SPTBN1: variants seen among roughly 807,000 people sequenced by gnomAD.
SPTBN1 encodes spectrin beta, non-erythrocytic 1.
SPTBN1 carries 32 observed loss-of-function variants against 266.4 expected under a neutral mutation model. The ratio of observed to expected loss-of-function variants is 0.12; its 90% confidence interval spans 0.09 to 0.16. The LOEUF (loss-of-function observed/expected upper bound fraction) is 0.16, where lower values mean the gene tolerates loss of function less well. SPTBN1 is among the 10% of genes least tolerant of loss of function. The pLI is 1.00. For synonymous variants in SPTBN1, 1,336 were observed against 1,162.2 expected (o/e 1.15, Z -3.04); for missense variants, 2,296 against 3,067.1 (o/e 0.75, Z 5.94).
At chr2:54,587,118 A>G (rs1364913606) in intron 2 of SPTBN1, among the ~76,000 whole-genome samples, 1 of 152,194 alleles carries the variant, frequency 6.6e-6, no homozygotes, top group African/African-American at 2.4e-5. Context: ...TGTATATTGC[A>G]TGAAATAAGA....
chr2:54,612,103 G>A (rs3796015), intron 3 of SPTBN1, 58 bp from the exon 4 acceptor site: 73,174 of 1,485,678 alleles, frequency 0.049, 2,239 homozygotes, highest in Admixed American at 0.12. Flanking sequence ...GCAGTAACTC[G>A]GGGTTCATCT....
rs1673063845 is a variant in SPTBN1, at chr2:54,558,766, T to TTTA, written c.148+32200_148+32201insTTA. 2.5e-6 allele frequency: 4 copies of TTTA among 1,610,282 alleles called. No homozygotes were observed. The African/African-American group carries it at 5.3e-5, about 22-fold the overall frequency. The stretch of plus-strand genomic sequence containing the variant: ...TCCAGGGCGCAGTCCTCCGGGGCGT[T>TTTA]ACGCCGGGCATAATGGAATTGCAGA... On this transcript the variant is annotated intron_variant, in intron 2 of 35. Coordinates refer to ENST00000356805, the MANE Select transcript of SPTBN1 (RefSeq NM_003128.3). This position sits in a 1 kb window ranked among gnomAD's most constrained non-coding sequence, Gnocchi z 4.6.
At chr2:54,591,785 T>C (rs1349511857) in intron 2 of SPTBN1, among the ~76,000 whole-genome samples, 1 of 152,234 alleles carries the variant, frequency 6.6e-6, no homozygotes, top group Non-Finnish European at 1.5e-5. Context: ...CATCATGCAG[T>C]GCCCTTCTGC....
chr2:54,535,899 G>T (rs1671568779), intron 2 of SPTBN1, among the ~76,000 whole-genome samples: 1 of 152,206 alleles, frequency 6.6e-6, no homozygotes. Flanking sequence ...TTACATGTGA[G>T]TAACCACCTA....
At chr2:54,522,677 A>AGAGAGAGG (rs1553439421) in intron 1 of SPTBN1, among the ~76,000 whole-genome samples, 1 of 67,306 alleles carries the variant, frequency 1.5e-5, no homozygotes, top group Non-Finnish European at 3.4e-5. Context: ...AGAGAGAGAG[A>AGAGAGAGG]GGAGAGAGAG....
rs767559310 is a variant in SPTBN1 at position 54,617,594 on chromosome 2, T to C, written c.567-14T>C. Reference sequence around the variant, plus strand: ...TAATTGTGTTGCTTTTCCCTTCTGCTTTGTCCTTGGCAGGTACCCCAATGT... The same window carrying C: ...TAATTGTGTTGCTTTTCCCTTCTGCCTTGTCCTTGGCAGGTACCCCAATGT... On this transcript the variant is annotated splice_polypyrimidine_tract_variant and intron_variant, in intron 5 of 35. Coordinates refer to ENST00000356805, the MANE Select transcript of SPTBN1 (RefSeq NM_003128.3). 3.1e-6 allele frequency: 5 copies of C among 1,613,938 alleles called. No homozygotes were observed. The South Asian group carries it at 5.5e-5, about 18-fold the overall frequency.
Position 54,508,600 on chromosome 2 carries a change from G to A in SPTBN1, c.-47-17772G>A, listed in dbSNP as rs182845138. On this transcript the variant is annotated intron_variant, in intron 1 of 35. Coordinates refer to ENST00000356805, the MANE Select transcript of SPTBN1 (RefSeq NM_003128.3). ...ATGAAATGACGAATAGAATGGGCCTGTGAGACTGGAAGGAGATTTTTCTTT... is the reference window on the plus strand; with the variant it reads ...ATGAAATGACGAATAGAATGGGCCTATGAGACTGGAAGGAGATTTTTCTTT... Among the ~76,000 whole-genome samples, 6 of 152,340 alleles carry A rather than the reference G, an allele frequency of 3.9e-5. 1 individual carries two copies. The highest frequency in any genetic ancestry group is 3.9e-4 in the Admixed American group (6 of 15,306).
At chr2:54,522,063 A>C (rs77754305) in intron 1 of SPTBN1, among the ~76,000 whole-genome samples, 2 of 142,862 alleles carry the variant, frequency 1.4e-5, no homozygotes, top group African/African-American at 5.2e-5. Flanking sequence ...ACAGCTGGCT[A>C]TTTTTTTTTT....
intron 14 of SPTBN1, 25 bp downstream of exon 14, chr2:54,629,828 T>C: frequency 6.2e-7 from 1 of 1,611,618 alleles, no homozygotes; most frequent in South Asian, 1.1e-5. Flanking sequence ...GGTCAGCCAC[T>C]GGCCTGTTCC....
intron 1 of SPTBN1, among the ~76,000 whole-genome samples, chr2:54,480,216 A>G (rs1668030176): frequency 6.6e-6 from 1 of 152,230 alleles, no homozygotes; most frequent in African/African-American, 2.4e-5. Flanking sequence ...ACTGGAAAGC[A>G]CCTTTTGAAC....
chr2:54,511,283 C>T (rs928756662), intron 1 of SPTBN1, among the ~76,000 whole-genome samples: 6 of 152,138 alleles, frequency 3.9e-5, no homozygotes, highest in African/African-American at 1.4e-4. Context: ...ATATTGAGTT[C>T]CTTTGAAAAT....
intron 30 of SPTBN1, 124 bp downstream of exon 30, chr2:54,658,170 G>A: frequency 4.8e-6 from 6 of 1,241,632 alleles, no homozygotes; most frequent in Non-Finnish European, 5.6e-6. Context: ...TTCAAGTAGT[G>A]AAGATCATCT....
chr2:54,540,774 A>G lies in SPTBN1; in HGVS notation c.148+14208A>G, dbSNP rs1407816871. The G allele has an allele frequency of 6.6e-6, 1 of 152,248 alleles. No individual in the cohort carries two copies. Among genetic ancestry groups the G allele is most frequent in the Non-Finnish European group, 1.5e-5 (1 of 68,044 alleles). 9.4% of individuals were successfully genotyped at this position (152,248 alleles called of 1,614,324 possible). A position where few individuals can be genotyped will look rare whatever the true frequency, so the allele number is the denominator to read the frequency against. ...GTTAATTTTTCCAAACGTTGGCCAC[A>G]GTTTTCCTGGAGAACTGTATTGTGA... On this transcript the variant is annotated intron_variant, in intron 2 of 35. Coordinates refer to ENST00000356805, the MANE Select transcript of SPTBN1 (RefSeq NM_003128.3). The surrounding 1 kb of genome is among the most constrained non-coding windows in gnomAD (Gnocchi z 5.6).
intron 2 of SPTBN1, among the ~76,000 whole-genome samples, chr2:54,544,085 A>G (rs1213567777): frequency 6.6e-6 from 1 of 152,248 alleles, no homozygotes; most frequent in Non-Finnish European, 1.5e-5. Context: ...AGAACATTAT[A>G]GAACATTACT....
intron 3 of SPTBN1, among the ~76,000 whole-genome samples, chr2:54,609,943 T>C (rs1362197094): frequency 6.6e-6 from 1 of 151,622 alleles, no homozygotes; most frequent in African/African-American, 2.4e-5. Flanking sequence ...CCCAGCTGCA[T>C]TTGCACAGAA....
intron 1 of SPTBN1, among the ~76,000 whole-genome samples, chr2:54,472,012 C>T (rs746005265): frequency 1.4e-5 from 2 of 140,946 alleles, no homozygotes; most frequent in Admixed American, 7.4e-5. Flanking sequence ...AAAACTGGGG[C>T]CCTGAAGATG....
intron 1 of SPTBN1, among the ~76,000 whole-genome samples, chr2:54,513,355 A>G (rs1244159961): frequency 6.6e-6 from 1 of 152,076 alleles, no homozygotes; most frequent in Admixed American, 6.6e-5. Context: ...GGTAATTGAG[A>G]TATGCATTTC....
intron 1 of SPTBN1, among the ~76,000 whole-genome samples, chr2:54,509,990 A>C (rs1573302289): frequency 1.4e-5 from 2 of 138,566 alleles, no homozygotes; most frequent in African/African-American, 2.7e-5. Context: ...AAGGGGTCTC[A>C]CTCTGTCACC....
intron 2 of SPTBN1, among the ~76,000 whole-genome samples, chr2:54,547,777 T>C (rs572966025): frequency 2.5e-4 from 38 of 152,312 alleles, no homozygotes; most frequent in Non-Finnish European, 4.7e-4. Flanking sequence ...GAGGTAGTTA[T>C]AGGTGAGCTT....
Sources: gnomAD v4.1 joint callset for allele counts (sites outside exome capture counted in the v4.1 genomes callset) on GRCh38, gnomAD v4.1.1 for gene constraint, Gnocchi (gnomAD v3.1) non-coding constraint, MANE v1.5 for transcripts, NCBI Gene and HGNC (gene_info 2026-07-23, HGNC 2026-07-21) for gene names.